CDK15: variants seen among roughly 807,000 people sequenced by gnomAD.
CDK15 encodes the protein cyclin-dependent kinase 15.
CDK15 carries 62 observed loss-of-function variants against 60.3 expected under a neutral mutation model. That is an observed-to-expected ratio of 1.03 (90% CI 0.84 to 1.27). CDK15 has a LOEUF of 1.27. Among genes scored for constraint, CDK15 ranks in the 50% most tolerant of loss-of-function variants. CDK15 has a pLI of 0.00. For synonymous variants in CDK15, 194 were observed against 195.7 expected (o/e 0.99, Z 0.07); for missense variants, 541 against 527.8 (o/e 1.03, Z -0.25).
chr2:201,876,110 C>T (rs1363969629), intron 11 of CDK15, among the ~76,000 whole-genome samples: 1 of 152,046 alleles, frequency 6.6e-6, no homozygotes, highest in Non-Finnish European at 1.5e-5. Context: ...GGCAAATTAA[C>T]ATTTGTGATG....
intron 6 of CDK15, among the ~76,000 whole-genome samples, chr2:201,828,757 A>G (rs1478014432): frequency 1.3e-5 from 2 of 152,224 alleles, no homozygotes; most frequent in African/African-American, 4.8e-5. Flanking sequence ...AGAAGCCTCC[A>G]TGAGAGTTCA....
chr2:201,843,224 T>C (rs1198216138), intron 8 of CDK15, among the ~76,000 whole-genome samples: 1 of 152,170 alleles, frequency 6.6e-6, no homozygotes, highest in Non-Finnish European at 1.5e-5. Context: ...TCTGGCTCTG[T>C]CGCCCAGGCT....
At chr2:201,832,461 G>T (rs1696799870) in intron 6 of CDK15, among the ~76,000 whole-genome samples, 1 of 152,182 alleles carries the variant, frequency 6.6e-6, no homozygotes, top group South Asian at 2.1e-4. Context: ...CAATCAGAAG[G>T]TTTAAATGTC....
Position 201,890,867 on chromosome 2 carries a change from C to A in CDK15, c.1281C>A (p.His427Gln), listed in dbSNP as rs1210612705. ...TGGCCTCCTACCAGAAAGGTCACCA[C>A]CCAGCCCAGTTTAGCAAATGCTGGT... ...DLLASYQKGH[H>Q]PAQFSKCW is the part of the protein sequence containing the mutation. The change falls in exon 13 of 14, where the codon CAC becomes CAA. Residue 427 changes from histidine (H) to glutamine (Q), a missense_variant. Physicochemically the swap from His to Gln is conservative, Grantham distance 24 (BLOSUM62 0). Transcript: ENST00000652192. 6.2e-7 allele frequency: 1 copy of A among 1,613,626 alleles called. No homozygotes were observed. Among genetic ancestry groups the A allele is most frequent in the East Asian group, 2.2e-5 (1 of 44,854 alleles).
intron 10 of CDK15, among the ~76,000 whole-genome samples, chr2:201,855,627 G>A (rs1399677760): frequency 1.3e-5 from 2 of 152,126 alleles, no homozygotes; most frequent in Non-Finnish European, 1.5e-5. Context: ...CAGGATGAAG[G>A]ATCATATTAG....
chr2:201,813,587 C>A (rs1695866726), intron 4 of CDK15, among the ~76,000 whole-genome samples: 1 of 152,178 alleles, frequency 6.6e-6, no homozygotes, highest in Non-Finnish European at 1.5e-5. Flanking sequence ...TTTGTTCTAT[C>A]ATTTGCAGTC....
chr2:201,837,560 T>G (rs1697184980), intron 8 of CDK15, among the ~76,000 whole-genome samples: 2 of 151,540 alleles, frequency 1.3e-5, no homozygotes. Flanking sequence ...GCCACAGAGT[T>G]GGGGAGGCTC....
At chr2:201,872,452 G>A (rs1698885808) in intron 11 of CDK15, 126 bp downstream of exon 11, 6 of 962,616 alleles carry the variant, frequency 6.2e-6, no homozygotes, top group African/African-American at 4.9e-5. Context: ...CTAAGCTGTA[G>A]GAAGATGCCT....
At chr2:201,864,192 TG>T (rs897318126) in intron 10 of CDK15, among the ~76,000 whole-genome samples, 147 of 152,268 alleles carry the variant, frequency 9.7e-4, no homozygotes, top group African/African-American at 3.5e-3. Flanking sequence ...CAGCATTGCC[TG>T]GGGATCTTTA....
chr2:201,821,933 G>A (rs898758132), intron 4 of CDK15, among the ~76,000 whole-genome samples: 2 of 152,156 alleles, frequency 1.3e-5, no homozygotes, highest in African/African-American at 2.4e-5. Flanking sequence ...CACCCACCTC[G>A]GCCTCCCTGA....
At chr2:201,819,102 G>A (rs190397118) in intron 4 of CDK15, among the ~76,000 whole-genome samples, 5 of 152,218 alleles carry the variant, frequency 3.3e-5, no homozygotes, top group Non-Finnish European at 7.4e-5. Context: ...GAATAAAGCA[G>A]GGCCCAGAGA....
chr2:201,822,087 T>C (rs1696250928), intron 4 of CDK15, among the ~76,000 whole-genome samples: 1 of 152,186 alleles, frequency 6.6e-6, no homozygotes, highest in Non-Finnish European at 1.5e-5. Flanking sequence ...TCCCAGTCAC[T>C]TGGCCTTTTG....
chr2:201,891,968 C>T (rs917878109), intron 13 of CDK15, among the ~76,000 whole-genome samples: 4 of 152,220 alleles, frequency 2.6e-5, no homozygotes, highest in Non-Finnish European at 5.9e-5. Context: ...ATATCACTCA[C>T]ATGGCTGGAT....
At chr2:201,836,018 T>A (rs868808446) in intron 8 of CDK15, among the ~76,000 whole-genome samples, 1 of 76,914 alleles carries the variant, frequency 1.3e-5, no homozygotes, top group Non-Finnish European at 2.7e-5. Flanking sequence ...TTTTATATTT[T>A]TATATATTTA....
At chr2:201,808,180 C>T (rs1484027760) in intron 3 of CDK15, among the ~76,000 whole-genome samples, 2 of 152,224 alleles carry the variant, frequency 1.3e-5, no homozygotes, top group Non-Finnish European at 2.9e-5. Context: ...TCAGCCTTTC[C>T]CTTCTTGCAT....
At chr2:201,888,355 A>T in intron 12 of CDK15, 1 of 1,467,922 alleles carries the variant, frequency 6.8e-7, no homozygotes, top group Non-Finnish European at 8.9e-7. Context: ...AATACATAAG[A>T]ATCTAAAAGT....
At chr2:201,863,916 A>C (rs1447791799) in intron 10 of CDK15, among the ~76,000 whole-genome samples, 2 of 152,212 alleles carry the variant, frequency 1.3e-5, no homozygotes, top group African/African-American at 4.8e-5. Flanking sequence ...CAACAACAAC[A>C]AAAGAAACAC....
chr2:201,834,396 C>G (rs1256909423), intron 7 of CDK15, among the ~76,000 whole-genome samples: 1 of 152,210 alleles, frequency 6.6e-6, no homozygotes, highest in Non-Finnish European at 1.5e-5. Context: ...ACACTTGTTC[C>G]TGCTCTCCTA....
chr2:201,861,800 A>T (rs189774192), intron 10 of CDK15, among the ~76,000 whole-genome samples: 34 of 152,086 alleles, frequency 2.2e-4, no homozygotes, highest in Admixed American at 1.0e-3. Flanking sequence ...ACCTCAAGTG[A>T]TCTACCTGCC....
Sources: gnomAD v4.1 joint callset for allele counts (sites outside exome capture counted in the v4.1 genomes callset) on GRCh38, gnomAD v4.1.1 for gene constraint, MANE v1.5 for transcripts, NCBI Gene and HGNC (gene_info 2026-07-23, HGNC 2026-07-21) for gene names.